Variants in SLC18A2 observed in about 807,000 individuals in gnomAD.
The protein encoded by SLC18A2 is synaptic vesicular amine transporter.
SLC18A2 carries 33 observed loss-of-function variants against 59.2 expected under a neutral mutation model. That is an observed-to-expected ratio of 0.56 (90% CI 0.42 to 0.75). SLC18A2 has a LOEUF of 0.75. Ranked by LOEUF, SLC18A2 falls within the 30% of genes least tolerant of loss-of-function variation. The pLI is 0.00. For missense variants in SLC18A2, 569 were observed against 668.6 expected (o/e 0.85, Z 1.64); for synonymous variants, 228 against 253.5 (o/e 0.90, Z 0.95).
chr10:117,266,807 G>C lies in SLC18A2; in HGVS notation c.1066G>C (p.Gly356Arg). Residue 356 changes from glycine to arginine, a missense_variant, in exon 11 of 16, where the codon GGG (glycine) becomes CGG (arginine). Gly to Arg is a moderately radical substitution (Grantham distance 125, BLOSUM62 -2). Around this residue, in one of 2 missense-constraint regions of SLC18A2, gnomAD observed 192 missense variants for 278.8 expected, o/e 0.69. Transcript: ENST00000644641. ...TTTTGGGATACTTGCACACAAAATG[G>C]GGAGGTAAGATGATATGAAAACAAC... ...NIFGILAHKM[G>R]RWLCALLGMI... 1 of 1,612,216 alleles carries C rather than the reference G, an allele frequency of 6.2e-7. No individual in the cohort carries two copies. Among genetic ancestry groups the C allele is most frequent in the Non-Finnish European group, 8.5e-7 (1 of 1,178,574 alleles).
chr10:117,264,096 G>A (rs573442828), intron 10 of SLC18A2, among the ~76,000 whole-genome samples: 1 of 152,354 alleles, frequency 6.6e-6, no homozygotes, highest in East Asian at 1.9e-4. Context: ...CGCAGGCTTC[G>A]TGATGACCGG....
At chr10:117,244,375 C>T in intron 3 of SLC18A2, 62 bp downstream of exon 3, 2 of 1,411,412 alleles carry the variant, frequency 1.4e-6, no homozygotes, top group African/African-American at 2.9e-5. Flanking sequence ...TTATGTCCTT[C>T]CTGGAATTCT....
intron 3 of SLC18A2, among the ~76,000 whole-genome samples, chr10:117,246,252 C>T (rs1844109686): frequency 6.6e-6 from 1 of 152,210 alleles, no homozygotes; most frequent in Non-Finnish European, 1.5e-5. Flanking sequence ...ACGTTACTAG[C>T]CGTACAGTGT....
At chr10:117,251,582 C>G (rs187298493) in intron 3 of SLC18A2, among the ~76,000 whole-genome samples, 185 of 152,300 alleles carry the variant, frequency 1.2e-3, no homozygotes, top group African/African-American at 4.2e-3. Flanking sequence ...AGGGGACTGA[C>G]TGTCTGGGAA....
chr10:117,270,261 T>A, intron 14 of SLC18A2, 69 bp from the exon 15 acceptor site: 1 of 1,613,014 alleles, frequency 6.2e-7, no homozygotes, highest in Non-Finnish European at 8.5e-7. Context: ...TAAAATTGTT[T>A]AAATCTTTGC....
At chr10:117,270,218 C>G (rs538522554) in intron 14 of SLC18A2, 28 bp downstream of exon 14, 1 of 1,613,932 alleles carries the variant, frequency 6.2e-7, no homozygotes, top group South Asian at 1.1e-5. Flanking sequence ...TCATAAGAAC[C>G]TTTTACCTCA....
chr10:117,260,770 A>G (rs1049375407), intron 10 of SLC18A2, among the ~76,000 whole-genome samples: 5 of 152,188 alleles, frequency 3.3e-5, no homozygotes. Flanking sequence ...CAAGATAAAG[A>G]TTTTGGAAAT....
In SLC18A2 at chr10:117,254,218, G is replaced by A. The variant is rs556024833; in HGVS notation, c.607+87G>A. ...TCAGGGAATTCAGGTATTGGTGGTG[G>A]TTGGGGTGCTGGGGATTCTTGGAGA... On this transcript the variant is annotated intron_variant, in intron 5 of 15. Coordinates refer to ENST00000644641, the MANE Select transcript of SLC18A2 (RefSeq NM_003054.6). 1.2e-5 allele frequency: 17 copies of A among 1,406,538 alleles called. No homozygotes were observed. In the South Asian group the frequency reaches 1.9e-4, roughly 15 times the overall value. The allele number at this position is 1,406,538 out of a possible 1,614,324, so 87.1% of individuals were successfully genotyped here.
chr10:117,276,750 G>A (rs1001962316), intron 15 of SLC18A2, among the ~76,000 whole-genome samples: 1 of 151,998 alleles, frequency 6.6e-6, no homozygotes, highest in Non-Finnish European at 1.5e-5. Flanking sequence ...CTCTCATTAA[G>A]GAGAGAGCAC....
chr10:117,275,137 A>G (rs1844471303), intron 15 of SLC18A2, among the ~76,000 whole-genome samples: 1 of 152,188 alleles, frequency 6.6e-6, no homozygotes. Flanking sequence ...CCTGGTGTAC[A>G]AAGTCTAGTG....
intron 9 of SLC18A2, among the ~76,000 whole-genome samples, chr10:117,256,909 T>C (rs363246): frequency 6.6e-6 from 1 of 152,186 alleles, no homozygotes; most frequent in East Asian, 1.9e-4. Context: ...GCCTAGTACC[T>C]GCTCACAGGA....
intron 15 of SLC18A2, among the ~76,000 whole-genome samples, chr10:117,271,257 T>C (rs1844422630): frequency 6.6e-6 from 1 of 152,180 alleles, no homozygotes; most frequent in Non-Finnish European, 1.5e-5. Context: ...ATGAATGAGG[T>C]GAACAAGAGG....
intron 15 of SLC18A2, among the ~76,000 whole-genome samples, chr10:117,275,072 A>T (rs1844469976): frequency 6.6e-6 from 1 of 152,086 alleles, no homozygotes; most frequent in Non-Finnish European, 1.5e-5. Context: ...TCTGGGGGAG[A>T]TGAGACATTT....
At chr10:117,254,372 G>C (rs1363485855) in intron 5 of SLC18A2, 33 bp from the exon 6 acceptor site, 1 of 1,525,832 alleles carries the variant, frequency 6.6e-7, no homozygotes, top group African/African-American at 1.4e-5. Flanking sequence ...GTTCCCCGGA[G>C]CTGGCCTGTT....
At chr10:117,249,538 A>G (rs1018889890) in intron 3 of SLC18A2, among the ~76,000 whole-genome samples, 6 of 152,124 alleles carry the variant, frequency 3.9e-5, no homozygotes, top group African/African-American at 1.4e-4. Context: ...ACTGGAAGGG[A>G]GCTGTTGTCT....
chr10:117,242,028 A>G (rs1844062097), intron 2 of SLC18A2: 1 of 477,534 alleles, frequency 2.1e-6, no homozygotes, highest in Non-Finnish European at 3.7e-6. Flanking sequence ...CGGGTCAAAA[A>G]CTGTGACATC....
In SLC18A2 at chr10:117,278,984, T is replaced by C. The variant is rs1244154209; in HGVS notation, c.*1718T>C. ...CAAATTGGTTCTCTTTGAGGGTTTC[T>C]GGTTCTCCCTGCCCCCAATACCATA... On this transcript the variant is annotated 3_prime_UTR_variant, in exon 16 of 16. Coordinates refer to ENST00000644641, the MANE Select transcript of SLC18A2 (RefSeq NM_003054.6). The C allele has an allele frequency of 6.6e-6, 1 of 152,222 alleles. No homozygotes were observed. Among genetic ancestry groups the C allele is most frequent in the African/African-American group, 2.4e-5 (1 of 41,450 alleles). 9.4% of individuals were successfully genotyped at this position (152,222 alleles called of 1,614,324 possible).
At chr10:117,276,694 C>T (rs1054174817) in intron 15 of SLC18A2, among the ~76,000 whole-genome samples, 4 of 145,086 alleles carry the variant, frequency 2.8e-5, no homozygotes, top group African/African-American at 5.1e-5. Flanking sequence ...ACAATGGAAA[C>T]GGGTTGTAGT....
chr10:117,253,968 G>A, intron 4 of SLC18A2, 80 bp from the exon 5 acceptor site: 3 of 1,277,576 alleles, frequency 2.3e-6, no homozygotes, highest in Non-Finnish European at 3.4e-6. Context: ...GGGTTAAGGG[G>A]GGCTTCTGAA....
Sources: gnomAD v4.1 joint callset for allele counts (sites outside exome capture counted in the v4.1 genomes callset) on GRCh38, gnomAD v4.1.1 for gene constraint, gnomAD v4.1.1 regional missense constraint, MANE v1.5 for transcripts, NCBI Gene and HGNC (gene_info 2026-07-23, HGNC 2026-07-21) for gene names.